Variants in MICU3 observed in about 807,000 individuals in gnomAD.
MICU3 encodes mitochondrial calcium uptake 3.
In MICU3, 62 loss-of-function variants were observed where a neutral mutation model predicts 66.5. The ratio of observed to expected loss-of-function variants is 0.93; its 90% CI spans 0.76 to 1.15. The LOEUF is 1.15. MICU3 is among the 50% of genes most tolerant of loss of function. MICU3 has a pLI of 0.00. For synonymous variants in MICU3, 308 were observed against 240.7 expected (o/e 1.28, Z -2.59); for missense variants, 779 against 664.4 (o/e 1.17, Z -1.90).
intron 12 of MICU3, among the ~76,000 whole-genome samples, chr8:17,115,428 A>G (rs1229681535): frequency 1.3e-5 from 2 of 152,206 alleles, no homozygotes; most frequent in Admixed American, 6.5e-5. Flanking sequence ...ATCAACGTGC[A>G]AAGAAACAAA....
the MICU3 span, among the ~76,000 whole-genome samples, chr8:17,135,842 G>C: frequency 6.6e-6 from 1 of 151,912 alleles, no homozygotes; most frequent in African/African-American, 2.4e-5. Flanking sequence ...CTGATAAATC[G>C]GTTATATCAT....
chr8:17,105,292 C>G, intron 10 of MICU3, 121 bp from the exon 11 acceptor site: 3 of 591,062 alleles, frequency 5.1e-6, no homozygotes, highest in Non-Finnish European at 8.7e-6. Flanking sequence ...CTTTATTAAT[C>G]TTTGCATCAT....
At chr8:17,084,133 T>G (rs1468117670) in intron 5 of MICU3, among the ~76,000 whole-genome samples, 1 of 152,084 alleles carries the variant, frequency 6.6e-6, no homozygotes, top group Admixed American at 6.6e-5. Context: ...TGGCAAGAAG[T>G]GGGCTACATA....
chr8:17,034,387 A>G (rs1453291767), intron 1 of MICU3, among the ~76,000 whole-genome samples: 10 of 152,252 alleles, frequency 6.6e-5, no homozygotes, highest in Non-Finnish European at 1.3e-4. Flanking sequence ...CACAGTATCC[A>G]TTCTGCAGTC....
intron 9 of MICU3, among the ~76,000 whole-genome samples, chr8:17,103,459 T>C (rs1427583923): frequency 1.3e-5 from 2 of 151,990 alleles, no homozygotes; most frequent in African/African-American, 4.8e-5. Context: ...GAATAAAAAA[T>C]AGGATTATTT....
intron 11 of MICU3, among the ~76,000 whole-genome samples, chr8:17,112,009 A>AT (rs1802244179): frequency 6.6e-6 from 1 of 152,184 alleles, no homozygotes; most frequent in African/African-American, 2.4e-5. Flanking sequence ...ACTGCCATTT[A>AT]TAAGACCATC....
At chr8:17,063,306 A>G (rs982885100) in intron 1 of MICU3, among the ~76,000 whole-genome samples, 6 of 152,320 alleles carry the variant, frequency 3.9e-5, no homozygotes, top group Non-Finnish European at 7.4e-5. Context: ...TTATTGAAGC[A>G]TGTATGGTAA....
intron 9 of MICU3, among the ~76,000 whole-genome samples, chr8:17,100,171 A>G (rs983365404): frequency 6.6e-6 from 1 of 151,278 alleles, no homozygotes; most frequent in Non-Finnish European, 1.5e-5. Flanking sequence ...TGATAGGAGT[A>G]TGAATACCAC....
intron 1 of MICU3, among the ~76,000 whole-genome samples, chr8:17,045,720 T>G (rs1389276313): frequency 3.3e-5 from 5 of 152,192 alleles, no homozygotes; most frequent in Non-Finnish European, 7.3e-5. Flanking sequence ...TTGGGTAATT[T>G]ATAAAGGAAA....
At chr8:17,079,611 T>C (rs1007574664) in intron 4 of MICU3, among the ~76,000 whole-genome samples, 2 of 152,086 alleles carry the variant, frequency 1.3e-5, no homozygotes, top group African/African-American at 4.8e-5. Flanking sequence ...GGTGCCATCA[T>C]GGCTCATTGC....
At chr8:17,053,086 A>G (rs1049965112) in intron 1 of MICU3, among the ~76,000 whole-genome samples, 4 of 152,178 alleles carry the variant, frequency 2.6e-5, no homozygotes, top group Non-Finnish European at 5.9e-5. Context: ...TAAAGAAACT[A>G]ATAAGGATGA....
intron 3 of MICU3, among the ~76,000 whole-genome samples, chr8:17,074,025 G>C (rs896184972): frequency 1.3e-5 from 2 of 151,466 alleles, no homozygotes; most frequent in African/African-American, 4.8e-5. Context: ...TCTCTCATGA[G>C]TGTATGGTGG....
At chr8:17,067,275 G>A (rs757991885) in intron 2 of MICU3, among the ~76,000 whole-genome samples, 3 of 151,218 alleles carry the variant, frequency 2.0e-5, no homozygotes, top group Non-Finnish European at 4.4e-5. Context: ...TGAAAACTTG[G>A]TTATTTAATC....
chr8:17,076,727 A>G (rs192149521), intron 3 of MICU3, among the ~76,000 whole-genome samples: 4 of 152,322 alleles, frequency 2.6e-5, no homozygotes, highest in South Asian at 2.1e-4. Context: ...CCAAACTTCA[A>G]TGTGTGTAAA....
At position 17,069,697 on chromosome 8, in the gene MICU3, C is replaced by T. The variant is rs1819256750; in HGVS notation, c.545C>T (p.Thr182Ile). The T allele has an allele frequency of 1.3e-6, 2 of 1,542,108 alleles. No individual in the cohort carries two copies. Among genetic ancestry groups the T allele is most frequent in the Non-Finnish European group, 1.8e-6 (2 of 1,140,278 alleles). Residue 182 changes from threonine to isoleucine, a missense_variant, in exon 3 of 15, where the codon ACT becomes ATT. Coordinates refer to ENST00000318063, the MANE Select transcript of MICU3 (RefSeq NM_181723.3). ...CATTTGTTTATTTTAGTTGCCAAAA[C>T]TTGGAAGTCACTTTCCAAACAGGTG... Reference protein sequence around the residue: ...VTTDEPKVAKTWKSLSKQELN... With the variant: ...VTTDEPKVAKIWKSLSKQELN...
chr8:17,040,753 A>G (rs960999486), intron 1 of MICU3, among the ~76,000 whole-genome samples: 1 of 152,196 alleles, frequency 6.6e-6, no homozygotes, highest in African/African-American at 2.4e-5. Context: ...AAAATTATAT[A>G]TGGTAGTCCC....
chr8:17,077,264 C>G (rs1262442589), intron 3 of MICU3, among the ~76,000 whole-genome samples: 2 of 152,312 alleles, frequency 1.3e-5, no homozygotes, highest in African/African-American at 4.8e-5. Context: ...TTATCATTCT[C>G]TAAGTCACTA....
chr8:17,064,057 CA>C, intron 1 of MICU3, 26 bp from the exon 2 acceptor site: 1 of 1,591,934 alleles, frequency 6.3e-7, no homozygotes, highest in Non-Finnish European at 8.6e-7. Flanking sequence ...TCACATCATC[CA>C]AATGTATTTG....
chr8:17,065,910 A>T (rs1469747323), intron 2 of MICU3, among the ~76,000 whole-genome samples: 2 of 152,172 alleles, frequency 1.3e-5, no homozygotes, highest in Non-Finnish European at 2.9e-5. Flanking sequence ...TTAAATTAAA[A>T]AAAAGATTTT....
Sources: allele counts gnomAD v4.1 joint callset (sites outside exome capture counted in the v4.1 genomes callset), GRCh38; gene constraint gnomAD v4.1.1; transcripts MANE v1.5; gene names NCBI Gene and HGNC (gene_info 2026-07-23, HGNC 2026-07-21).